Variants in ST8SIA6 observed in about 807,000 individuals in gnomAD.
The protein encoded by ST8SIA6 is alpha-2,8-sialyltransferase 8F.
ST8SIA6 carries 39 observed loss-of-function variants against 33.6 expected under a neutral mutation model. The ratio of observed to expected loss-of-function variants is 1.16; its 90% CI spans 0.90 to 1.52. The LOEUF is 1.52. Among genes scored for constraint, ST8SIA6 ranks in the 40% most tolerant of loss-of-function variants. ST8SIA6 has a pLI of 0.00. For synonymous variants in ST8SIA6, 172 were observed against 167.2 expected (o/e 1.03, Z -0.22); for missense variants, 441 against 443.8 (o/e 0.99, Z 0.06).
At chr10:17,379,624 G>A (rs1042801906) in intron 3 of ST8SIA6, among the ~76,000 whole-genome samples, 5 of 152,098 alleles carry the variant, frequency 3.3e-5, no homozygotes, top group East Asian at 1.9e-4. Flanking sequence ...ACCTATCTGC[G>A]ACCTGGAAGT....
At chr10:17,376,560 GCAC>G (rs1849922591) in intron 3 of ST8SIA6, among the ~76,000 whole-genome samples, 1 of 152,174 alleles carries the variant, frequency 6.6e-6, no homozygotes, top group African/African-American at 2.4e-5. Context: ...TCCTGGGTCA[GCAC>G]CTCTAAGTAT....
rs145158778 is a variant in ST8SIA6, at chr10:17,434,162, G to A, written c.200+19397C>T. Among the ~76,000 whole-genome samples, 5 of 152,260 alleles carry A rather than the reference G, an allele frequency of 3.3e-5. No homozygotes were observed. The East Asian group carries it at 5.8e-4, about 18-fold the overall frequency. ...TACACATGCTGCTTCCCACTCTCTAGATGGGGGACTCCTTGGGAGCAGGGA... is the reference window on the plus strand; with the variant it reads ...TACACATGCTGCTTCCCACTCTCTAAATGGGGGACTCCTTGGGAGCAGGGA... On this transcript the variant is annotated intron_variant, in intron 2 of 7. Transcript: ENST00000377602.
At chr10:17,410,783 C>A (rs1359237594) in intron 2 of ST8SIA6, among the ~76,000 whole-genome samples, 1 of 152,174 alleles carries the variant, frequency 6.6e-6, no homozygotes, top group Non-Finnish European at 1.5e-5. Context: ...GGTTAACCTT[C>A]AGCTAATTAT....
At chr10:17,435,421 T>A (rs1408849078) in intron 2 of ST8SIA6, among the ~76,000 whole-genome samples, 2 of 152,182 alleles carry the variant, frequency 1.3e-5, no homozygotes, top group Non-Finnish European at 2.9e-5. Flanking sequence ...AGCCTTCAGC[T>A]TTGTGGCCTG....
intron 2 of ST8SIA6, among the ~76,000 whole-genome samples, chr10:17,450,859 G>A (rs1467256850): frequency 6.6e-6 from 1 of 152,082 alleles, no homozygotes; most frequent in Non-Finnish European, 1.5e-5. Context: ...TCACCTCTAA[G>A]CTTTTGCCTG....
chr10:17,445,564 A>G (rs931983838), intron 2 of ST8SIA6, among the ~76,000 whole-genome samples: 3 of 152,204 alleles, frequency 2.0e-5, no homozygotes, highest in Non-Finnish European at 2.9e-5. Context: ...GCCTGCCCCA[A>G]CTGGAAAATC....
At chr10:17,366,455 T>C (rs79826751) in intron 3 of ST8SIA6, among the ~76,000 whole-genome samples, 1 of 152,090 alleles carries the variant, frequency 6.6e-6, no homozygotes, top group African/African-American at 2.4e-5. Context: ...TTTTTTTTTT[T>C]CAAGGGATGC....
At chr10:17,334,011 G>A (rs1399391559) in intron 4 of ST8SIA6, among the ~76,000 whole-genome samples, 7 of 149,708 alleles carry the variant, frequency 4.7e-5, no homozygotes, top group Non-Finnish European at 1.0e-4. Flanking sequence ...GTGAGCCACT[G>A]CACCTGGTTT....
At chr10:17,358,625 AGAAG>A (rs983156950) in intron 4 of ST8SIA6, among the ~76,000 whole-genome samples, 16 of 149,114 alleles carry the variant, frequency 1.1e-4, no homozygotes, top group Admixed American at 3.4e-4. Context: ...AAGGAAGGAA[AGAAG>A]GAAGGAAGGA....
chr10:17,378,999 G>A (rs929235193), intron 3 of ST8SIA6, among the ~76,000 whole-genome samples: 27 of 152,064 alleles, frequency 1.8e-4, no homozygotes, highest in African/African-American at 6.3e-4. Flanking sequence ...GGTGGCAGGC[G>A]CCTGTAGTCC....
intron 2 of ST8SIA6, among the ~76,000 whole-genome samples, chr10:17,408,988 G>T (rs1470933732): frequency 1.4e-5 from 2 of 145,896 alleles, no homozygotes; most frequent in Non-Finnish European, 1.5e-5. Flanking sequence ...TCTCCATATT[G>T]GTCAGGCTGG....
Position 17,454,307 on chromosome 10 carries a change from C to T in ST8SIA6, c.-52G>A. 1 of 178,450 alleles carries T rather than the reference C, an allele frequency of 5.6e-6. No individual in the cohort carries two copies. The highest frequency in any genetic ancestry group is 1.2e-5 in the Non-Finnish European group (1 of 86,892). 11.1% of individuals were successfully genotyped at this position (178,450 alleles called of 1,614,324 possible). A position where few individuals can be genotyped will look rare whatever the true frequency, so the allele number is the denominator to read the frequency against. On this transcript the variant is annotated 5_prime_UTR_variant, in exon 1 of 8. Transcript: ENST00000377602. This position sits in a 1 kb window ranked among gnomAD's most constrained non-coding sequence, Gnocchi z 4.1. ...GCTGCTGCCGGGGCGAAGCACAGCCCGGGCGGCCCCGACTCGCGGCTCCCG... is the reference window on the plus strand; with the variant it reads ...GCTGCTGCCGGGGCGAAGCACAGCCTGGGCGGCCCCGACTCGCGGCTCCCG...
intron 3 of ST8SIA6, among the ~76,000 whole-genome samples, chr10:17,382,163 C>G (rs1309130184): frequency 6.6e-6 from 1 of 152,018 alleles, no homozygotes; most frequent in Non-Finnish European, 1.5e-5. Flanking sequence ...TGTAGACAAA[C>G]TGGTCATAAT....
intron 2 of ST8SIA6, among the ~76,000 whole-genome samples, chr10:17,442,279 G>C (rs1412697196): frequency 6.6e-6 from 1 of 152,180 alleles, no homozygotes; most frequent in Non-Finnish European, 1.5e-5. Flanking sequence ...ATATTTTCCA[G>C]GTTGTTACAG....
intron 3 of ST8SIA6, among the ~76,000 whole-genome samples, chr10:17,380,139 A>T (rs944285712): frequency 1.3e-5 from 2 of 152,156 alleles, no homozygotes; most frequent in Non-Finnish European, 2.9e-5. Context: ...TCCTGCTTCC[A>T]TGTCGATGGA....
chr10:17,346,129 G>T (rs1338185113), intron 4 of ST8SIA6, among the ~76,000 whole-genome samples: 1 of 152,206 alleles, frequency 6.6e-6, no homozygotes, highest in Non-Finnish European at 1.5e-5. Context: ...TTCTTGAGCT[G>T]CAAGAAGCTC....
chr10:17,344,152 A>C (rs1206858919), intron 4 of ST8SIA6, among the ~76,000 whole-genome samples: 1 of 152,224 alleles, frequency 6.6e-6, no homozygotes, highest in Non-Finnish European at 1.5e-5. Context: ...TTATTGTCTA[A>C]TATATGCACA....
At chr10:17,448,389 C>T (rs535808834) in intron 2 of ST8SIA6, among the ~76,000 whole-genome samples, 1 of 152,276 alleles carries the variant, frequency 6.6e-6, no homozygotes, top group East Asian at 1.9e-4. Flanking sequence ...CCCAAATCAT[C>T]ACCACAGATG....
chr10:17,341,856 G>A (rs114911804), intron 4 of ST8SIA6, among the ~76,000 whole-genome samples: 4,062 of 126,938 alleles, frequency 0.032, 72 homozygotes, highest in African/African-American at 0.059. Flanking sequence ...ACTGGAGACC[G>A]CACTACTGCA....
Sources: allele counts gnomAD v4.1 joint callset (sites outside exome capture counted in the v4.1 genomes callset), GRCh38; gene constraint gnomAD v4.1.1; non-coding constraint Gnocchi (gnomAD v3.1); transcripts MANE v1.5; gene names NCBI Gene and HGNC (gene_info 2026-07-23, HGNC 2026-07-21).